The following MYRIP variants were observed in gnomAD, a reference collection of about 807,000 sequenced individuals.
MYRIP encodes rab effector MyRIP.
A neutral mutation model predicts 98.0 loss-of-function variants in MYRIP; 49 were observed. The ratio of observed to expected loss-of-function variants is 0.50; its 90% confidence interval spans 0.40 to 0.63. MYRIP has a LOEUF of 0.63. MYRIP is among the 30% of genes least tolerant of loss of function. The probability of loss-of-function intolerance (pLI) is 0.00; values close to 1 mark genes in which losing one functional copy is unlikely to be tolerated. For missense variants in MYRIP, 1,004 were observed against 1,058.2 expected, an observed-to-expected ratio of 0.95 and a Z score of 0.71; for synonymous variants, 404 against 409.5, an observed-to-expected ratio of 0.99 and a Z score of 0.16.
intron 2 of MYRIP, among the ~76,000 whole-genome samples, chr3:40,015,421 C>T (rs1946841594): frequency 6.6e-6 from 1 of 152,136 alleles, no homozygotes; most frequent in Admixed American, 6.5e-5. Context: ...GAGACATGAC[C>T]CTGAGTCACA....
At chr3:39,852,783 C>G (rs1942172980) in intron 1 of MYRIP, among the ~76,000 whole-genome samples, 1 of 147,536 alleles carries the variant, frequency 6.8e-6, no homozygotes, top group Non-Finnish European at 1.5e-5. Flanking sequence ...CTCTTCTGTT[C>G]TCCTCTTCTC....
intron 1 of MYRIP, among the ~76,000 whole-genome samples, chr3:39,868,247 G>A (rs1476832630): frequency 1.3e-5 from 2 of 152,208 alleles, no homozygotes; most frequent in Non-Finnish European, 2.9e-5. Context: ...ATTTACAATT[G>A]TGGTAGTTCT....
At position 39,989,555 on chromosome 3, in the gene MYRIP, C is replaced by T. The variant is rs550993102; in HGVS notation, c.111-54495C>T. Among the ~76,000 whole-genome samples, 57 of 152,302 alleles carry T rather than the reference C, an allele frequency of 3.7e-4. 1 individual carries two copies. Among genetic ancestry groups the T allele is most frequent in the Middle Eastern group, 3.4e-3 (1 of 294 alleles). On this transcript the variant is annotated intron_variant, in intron 2 of 16. Transcript: ENST00000302541. ...GCACTTTGTCCCTTGGTGGATTGGGCGTGCTTCACTGGGGGGAAACCCACA... is the reference window on the plus strand; with the variant it reads ...GCACTTTGTCCCTTGGTGGATTGGGTGTGCTTCACTGGGGGGAAACCCACA...
At chr3:40,000,539 T>C (rs917747428) in intron 2 of MYRIP, among the ~76,000 whole-genome samples, 6 of 152,220 alleles carry the variant, frequency 3.9e-5, no homozygotes, top group African/African-American at 1.2e-4. Context: ...GTACATCTCT[T>C]GAAATGCCCA....
intron 2 of MYRIP, among the ~76,000 whole-genome samples, chr3:40,009,798 T>A: frequency 6.6e-6 from 1 of 152,324 alleles, no homozygotes; most frequent in African/African-American, 2.4e-5. Flanking sequence ...GACTGTGATG[T>A]ATAGGTTCTG....
intron 2 of MYRIP, among the ~76,000 whole-genome samples, chr3:39,989,455 A>G (rs1946115630): frequency 6.6e-6 from 1 of 152,200 alleles, no homozygotes. Flanking sequence ...ACGCTCTTGT[A>G]TAGCATGTCT....
intron 3 of MYRIP, among the ~76,000 whole-genome samples, chr3:40,118,158 C>T (rs1949322057): frequency 6.6e-6 from 1 of 152,104 alleles, no homozygotes; most frequent in African/African-American, 2.4e-5. Context: ...TAAATTAAAA[C>T]TATAATGGCA....
chr3:40,207,957 T>C (rs1951829234), intron 10 of MYRIP, among the ~76,000 whole-genome samples: 1 of 152,198 alleles, frequency 6.6e-6, no homozygotes, highest in Non-Finnish European at 1.5e-5. Context: ...CTGTCAGTTT[T>C]TGGAATTTTC....
chr3:40,001,123 A>T (rs1406583176), intron 2 of MYRIP, among the ~76,000 whole-genome samples: 1 of 152,226 alleles, frequency 6.6e-6, no homozygotes, highest in Non-Finnish European at 1.5e-5. Flanking sequence ...AAGCATAACT[A>T]TCCTAATGCT....
chr3:40,000,905 C>T (rs143090355), intron 2 of MYRIP, among the ~76,000 whole-genome samples: 2 of 152,180 alleles, frequency 1.3e-5, no homozygotes, highest in African/African-American at 4.8e-5. Context: ...CTTCTCCTTT[C>T]TCCTACCCTG....
intron 1 of MYRIP, among the ~76,000 whole-genome samples, chr3:39,883,978 A>G (rs1347499519): frequency 1.3e-5 from 2 of 152,136 alleles, no homozygotes; most frequent in Non-Finnish European, 2.9e-5. Flanking sequence ...CAGATTGAAG[A>G]TGCTGTCTCT....
chr3:39,954,409 T>C (rs1419914438), intron 2 of MYRIP, among the ~76,000 whole-genome samples: 2 of 152,260 alleles, frequency 1.3e-5, no homozygotes, highest in East Asian at 3.9e-4. Flanking sequence ...AAACATGGTC[T>C]GGAGTGGACC....
chr3:40,229,467 G>T (rs766886103), intron 11 of MYRIP, among the ~76,000 whole-genome samples: 3 of 152,186 alleles, frequency 2.0e-5, no homozygotes, highest in Non-Finnish European at 4.4e-5. Context: ...ACCTTGGCAC[G>T]GTAAATGACT....
At chr3:40,234,846 T>C (rs1952780716) in intron 12 of MYRIP, among the ~76,000 whole-genome samples, 1 of 151,940 alleles carries the variant, frequency 6.6e-6, no homozygotes, top group Non-Finnish European at 1.5e-5. Context: ...ATACAAAAAT[T>C]AGCTGGGTGT....
intron 2 of MYRIP, among the ~76,000 whole-genome samples, chr3:39,984,378 C>A (rs1246302685): frequency 1.3e-5 from 2 of 151,842 alleles, no homozygotes; most frequent in Admixed American, 1.3e-4. Flanking sequence ...CCTCCGCCCT[C>A]CCCCCATCCC....
At chr3:39,945,961 T>C (rs1239664275) in intron 2 of MYRIP, among the ~76,000 whole-genome samples, 1 of 151,788 alleles carries the variant, frequency 6.6e-6, no homozygotes, top group Non-Finnish European at 1.5e-5. Context: ...TTCTCTATGG[T>C]GATTGAGAAA....
At chr3:39,933,984 T>C in intron 2 of MYRIP, among the ~76,000 whole-genome samples, 1 of 152,292 alleles carries the variant, frequency 6.6e-6, no homozygotes, top group Admixed American at 6.5e-5. Flanking sequence ...CCTGGGAACT[T>C]GTTAGAAATG....
chr3:40,067,116 T>C (rs1948140826), intron 3 of MYRIP, among the ~76,000 whole-genome samples: 1 of 152,176 alleles, frequency 6.6e-6, no homozygotes, highest in South Asian at 2.1e-4. Context: ...AGGCCATAAA[T>C]AAGCATTTGC....
At position 40,162,766 on chromosome 3, in the gene MYRIP, G is replaced by A; in HGVS notation, c.506G>A (p.Gly169Glu). 1 of 1,614,074 alleles carries A rather than the reference G, an allele frequency of 6.2e-7. No individual in the cohort carries two copies. Residue 169 changes from glycine (G) to glutamate (E), a missense_variant, in exon 5 of 17, where the codon GGA becomes GAA. Around this residue, in one of 3 missense-constraint regions of MYRIP, gnomAD observed 880 missense variants for 907.7 expected, o/e 0.97. Coordinates refer to ENST00000302541, the MANE Select transcript of MYRIP (RefSeq NM_015460.4). ...SLFESNLENE[G>E]SISGSDSTFY... ...TTTGAGTCAAACCTGGAGAATGAAG[G>A]AAGCATTTCTGGCAGTGATTCAACA... is the stretch of plus-strand genomic sequence containing the variant.
Sources: allele counts gnomAD v4.1 joint callset (sites outside exome capture counted in the v4.1 genomes callset), GRCh38; gene constraint gnomAD v4.1.1; regional missense constraint gnomAD v4.1.1; transcripts MANE v1.5; gene names NCBI Gene and HGNC (gene_info 2026-07-23, HGNC 2026-07-21).